FRS2: variants seen among roughly 807,000 people sequenced by gnomAD.
FRS2 encodes the protein fibroblast growth factor receptor substrate 2.
FRS2 carries 8 observed loss-of-function variants against 43.9 expected under a neutral mutation model. The ratio of observed to expected loss-of-function variants is 0.18; its 90% CI spans 0.11 to 0.33. The LOEUF (loss-of-function observed/expected upper bound fraction) is 0.33, where lower values mean the gene tolerates loss of function less well. Among genes scored for constraint, FRS2 ranks in the 10% least tolerant of loss-of-function variants. The pLI, the probability that FRS2 is intolerant of heterozygous loss-of-function variation, is 1.00. For missense variants in FRS2, 534 were observed against 627.6 expected, an observed-to-expected ratio of 0.85 and a Z score of 1.59; for synonymous variants, 219 against 220.3, an observed-to-expected ratio of 0.99 and a Z score of 0.05.
intron 3 of FRS2, among the ~76,000 whole-genome samples, chr12:69,552,593 A>G (rs1176155233): frequency 6.6e-6 from 1 of 152,128 alleles, no homozygotes; most frequent in African/African-American, 2.4e-5. Context: ...TTTGTAGTTC[A>G]TTAAGTTAAT....
chr12:69,572,058 C>G, intron 7 of FRS2, 60 bp from the exon 8 acceptor site: 1 of 1,316,854 alleles, frequency 7.6e-7, no homozygotes, highest in Non-Finnish European at 1.1e-6. Flanking sequence ...TCGATTCTTA[C>G]TCATTTTTAT....
intron 1 of FRS2, among the ~76,000 whole-genome samples, chr12:69,475,636 T>G (rs1565709695): frequency 6.6e-6 from 1 of 152,216 alleles, no homozygotes; most frequent in South Asian, 2.1e-4. Context: ...TAGACCCGTG[T>G]CAAAATCCTT....
chr12:69,493,591 C>T (rs955960751), intron 1 of FRS2, among the ~76,000 whole-genome samples: 2 of 152,140 alleles, frequency 1.3e-5, no homozygotes, highest in African/African-American at 2.4e-5. Context: ...CATGGTGGCG[C>T]ATGCCTGTAA....
intron 4 of FRS2, among the ~76,000 whole-genome samples, chr12:69,564,080 C>A: frequency 6.6e-6 from 1 of 152,134 alleles, no homozygotes; most frequent in East Asian, 1.9e-4. Flanking sequence ...CCGTAGCCCT[C>A]TCTATTCTTT....
chr12:69,511,310 A>C (rs1350840698), intron 1 of FRS2, among the ~76,000 whole-genome samples: 2 of 152,336 alleles, frequency 1.3e-5, no homozygotes, highest in East Asian at 3.9e-4. Flanking sequence ...AAGGGAGAAT[A>C]AGACACAGTT....
chr12:69,569,055 G>C lies in FRS2; in HGVS notation c.25G>C (p.Asp9His). The C allele has an allele frequency of 6.2e-7, 1 of 1,612,482 alleles. No individual in the cohort carries two copies. The highest frequency in any genetic ancestry group is 8.5e-7 in the Non-Finnish European group (1 of 1,178,868). Residue 9 changes from aspartate (D) to histidine (H), a missense_variant, in exon 5 of 9, where the codon GAT becomes CAT. Around this residue, in one of 3 missense-constraint regions of FRS2, gnomAD observed 76 missense variants for 90.5 expected, o/e 0.84. Transcript: ENST00000549921. Reference sequence around the variant, plus strand: ...CATGGGTAGCTGTTGTAGCTGTCCAGATAAAGACACTGTCCCAGATAACCA... The same window carrying C: ...CATGGGTAGCTGTTGTAGCTGTCCACATAAAGACACTGTCCCAGATAACCA... MGSCCSCPDKDTVPDNHRN... is the reference protein window; with the variant it reads MGSCCSCPHKDTVPDNHRN...
intron 1 of FRS2, among the ~76,000 whole-genome samples, chr12:69,475,058 T>C (rs1325153699): frequency 6.6e-6 from 1 of 152,190 alleles, no homozygotes; most frequent in Non-Finnish European, 1.5e-5. Context: ...AGTTACATAT[T>C]TTATTTTGGA....
chr12:69,503,593 ATCTG>A lies in FRS2; in HGVS notation c.-260-27268_-260-27265del, dbSNP rs1873662142. Among the ~76,000 whole-genome samples the A allele has an allele frequency of 3.9e-5, 6 of 152,120 alleles. No homozygotes were observed. The South Asian group carries it at 1.2e-3, about 31-fold the overall frequency. On this transcript the variant is annotated intron_variant, in intron 1 of 8. Transcript: ENST00000549921. The stretch of plus-strand genomic sequence containing the variant: ...GAGCATTAGCAACCCTCCTTTGTAC[ATCTG>A]TCTATCACCAGAGACCATGAGCTTC...
At chr12:69,555,931 A>G (rs921332388) in intron 3 of FRS2, among the ~76,000 whole-genome samples, 4 of 140,158 alleles carry the variant, frequency 2.9e-5, no homozygotes, top group Non-Finnish European at 3.0e-5. Context: ...TAAATGAGCT[A>G]TTTGTGAAAC....
At position 69,555,592 on chromosome 12, in the gene FRS2, T is replaced by A. The variant is rs537968145; in HGVS notation, c.-121-6588T>A. Among the ~76,000 whole-genome samples, 5 of 152,310 alleles carry A rather than the reference T, an allele frequency of 3.3e-5. No individual in the cohort carries two copies. The South Asian group carries it at 1.0e-3, about 32-fold the overall frequency. Reference sequence around the variant, plus strand: ...TATGGATCCACTTATAGATGGATTTTGTCAACCAGAAAGTATTTGTGGGAT... The same window carrying A: ...TATGGATCCACTTATAGATGGATTTAGTCAACCAGAAAGTATTTGTGGGAT... On this transcript the variant is annotated intron_variant, in intron 3 of 8. Transcript: ENST00000549921.
At chr12:69,556,064 T>G (rs995866575) in intron 3 of FRS2, among the ~76,000 whole-genome samples, 11 of 151,330 alleles carry the variant, frequency 7.3e-5, no homozygotes, top group Non-Finnish European at 1.5e-4. Flanking sequence ...ATAGTCAATA[T>G]TAGACTTTAA....
intron 1 of FRS2, among the ~76,000 whole-genome samples, chr12:69,495,407 T>C (rs1872788726): frequency 6.6e-6 from 1 of 152,238 alleles, no homozygotes. Context: ...ATTTAGCTGC[T>C]AGTCTTGGCT....
chr12:69,491,756 C>G (rs1354658324), intron 1 of FRS2: 1 of 152,088 alleles, frequency 6.6e-6, no homozygotes, highest in Admixed American at 6.6e-5. Context: ...AAGTAGTCCT[C>G]TCAACTGCTG....
At chr12:69,572,072 C>T (rs1461017641) in intron 7 of FRS2, 46 bp from the exon 8 acceptor site, 1 of 1,521,086 alleles carries the variant, frequency 6.6e-7, no homozygotes, top group Non-Finnish European at 9.1e-7. Flanking sequence ...TTTTTATTCT[C>T]TCTGCCCCGC....
At chr12:69,515,412 C>T (rs557701444) in intron 1 of FRS2, among the ~76,000 whole-genome samples, 1 of 152,288 alleles carries the variant, frequency 6.6e-6, no homozygotes, top group East Asian at 1.9e-4. Context: ...TTATAATTCA[C>T]TTTGCCTCAG....
chr12:69,528,017 G>A (rs773813250), intron 1 of FRS2, among the ~76,000 whole-genome samples: 6 of 152,178 alleles, frequency 3.9e-5, no homozygotes, highest in African/African-American at 7.2e-5. Flanking sequence ...CAGATGAAAG[G>A]TATGTGGATA....
intron 1 of FRS2, among the ~76,000 whole-genome samples, chr12:69,516,085 C>G (rs1468558226): frequency 6.6e-6 from 1 of 152,032 alleles, no homozygotes; most frequent in Admixed American, 6.6e-5. Context: ...TAGTACAAGT[C>G]TGTCCTACAG....
At chr12:69,531,768 A>G (rs1876825481) in intron 2 of FRS2, among the ~76,000 whole-genome samples, 1 of 152,198 alleles carries the variant, frequency 6.6e-6, no homozygotes, top group Non-Finnish European at 1.5e-5. Context: ...ACATATCATC[A>G]GGTACCTAGC....
At chr12:69,543,591 G>A (rs1878108037) in intron 3 of FRS2, among the ~76,000 whole-genome samples, 1 of 151,654 alleles carries the variant, frequency 6.6e-6, no homozygotes, top group African/African-American at 2.4e-5. Context: ...GGAAAAGGGT[G>A]TAGCATCATG....
Sources: gnomAD v4.1 joint callset for allele counts (sites outside exome capture counted in the v4.1 genomes callset) on GRCh38, gnomAD v4.1.1 for gene constraint, gnomAD v4.1.1 regional missense constraint, MANE v1.5 for transcripts, NCBI Gene and HGNC (gene_info 2026-07-23, HGNC 2026-07-21) for gene names.